The following MTMR3 variants were observed in gnomAD, a reference collection of about 807,000 sequenced individuals.
The protein encoded by MTMR3 is phosphatidylinositol-3,5-bisphosphate 3-phosphatase MTMR3.
MTMR3 carries 32 observed loss-of-function variants against 132.4 expected under a neutral mutation model. That is an observed-to-expected ratio of 0.24 (90% confidence interval 0.18 to 0.32). MTMR3 has a LOEUF of 0.32. Among genes scored for constraint, MTMR3 ranks in the 10% least tolerant of loss-of-function variants. The pLI, the probability that MTMR3 is intolerant of heterozygous loss-of-function variation, is 1.00. For synonymous variants in MTMR3, 556 were observed against 550.3 expected (o/e 1.01, Z -0.14); for missense variants, 1,216 against 1,489.6 (o/e 0.82, Z 3.02).
At chr22:29,891,313 GTGTA>G (rs201124036) in intron 1 of MTMR3, among the ~76,000 whole-genome samples, 1,601 of 150,402 alleles carry the variant, frequency 0.011, 32 homozygotes, top group African/African-American at 0.038. Flanking sequence ...GTGTGCGTGT[GTGTA>G]TGTATGTATG....
rs749927557 is a variant in MTMR3, at chr22:30,030,647, G to GGGGGAGGGGT, written c.*4847_*4848insGGGAGGGGTG. On this transcript the variant is annotated 3_prime_UTR_variant, in exon 20 of 20. Coordinates refer to ENST00000401950, the MANE Select transcript of MTMR3 (RefSeq NM_021090.4). ...CTCAGCGAGGAGGGGGCGGGGGGGG[G>GGGGGAGGGGT]GTCACTATTTATCTTCCAGAGGCAG... The GGGGGAGGGGT allele has an allele frequency of 1.3e-5, 1 of 76,360 alleles. No homozygotes were observed. Among genetic ancestry groups the GGGGGAGGGGT allele is most frequent in the South Asian group, 5.4e-4 (1 of 1,856 alleles). The allele number at this position is 76,360 out of a possible 1,614,324, so 4.7% of individuals were successfully genotyped here.
Position 29,970,969 on chromosome 22 carries a change from C to T in MTMR3, c.-84-7C>T. On this transcript the variant is annotated splice_region_variant and splice_polypyrimidine_tract_variant and intron_variant, in intron 2 of 19. Coordinates refer to ENST00000401950, the MANE Select transcript of MTMR3 (RefSeq NM_021090.4). The stretch of plus-strand genomic sequence containing the variant: ...TTCTTCTTCCCCCTCTTCCCCCCCA[C>T]CCCCAGACTTCACCATAAGGGAAAG... 1 of 1,037,760 alleles carries T rather than the reference C, an allele frequency of 9.6e-7. No individual in the cohort carries two copies. The highest frequency in any genetic ancestry group is 1.3e-6 in the Non-Finnish European group (1 of 740,820). 64.3% of individuals were successfully genotyped at this position (1,037,760 alleles called of 1,614,324 possible). A position where few individuals can be genotyped will look rare whatever the true frequency, so the allele number is the denominator to read the frequency against.
intron 3 of MTMR3, among the ~76,000 whole-genome samples, chr22:29,974,461 G>C (rs904791777): frequency 2.6e-5 from 4 of 152,192 alleles, no homozygotes; most frequent in Non-Finnish European, 5.9e-5. Context: ...TGTGAATTGA[G>C]ACAATAGCTT....
rs1479646994 is a variant in MTMR3 at position 29,937,473 on chromosome 22, G to A, written c.-137-19563G>A. 4.0e-5 allele frequency among the ~76,000 whole-genome samples: 6 copies of A among 150,258 alleles called. No individual in the cohort carries two copies. In the East Asian group the frequency reaches 1.2e-3, roughly 29 times the overall value. ...CTCTGTTGCCCAGGATGAAGTGCAAGCAGCACAATCATAGCTTACTGCAGG... is the reference window on the plus strand; with the variant it reads ...CTCTGTTGCCCAGGATGAAGTGCAAACAGCACAATCATAGCTTACTGCAGG... On this transcript the variant is annotated intron_variant, in intron 1 of 19. Coordinates refer to ENST00000401950, the MANE Select transcript of MTMR3 (RefSeq NM_021090.4).
At chr22:29,943,594 A>G (rs1400331337) in intron 1 of MTMR3, among the ~76,000 whole-genome samples, 1 of 152,084 alleles carries the variant, frequency 6.6e-6, no homozygotes, top group Non-Finnish European at 1.5e-5. Flanking sequence ...TGTGTTGGGT[A>G]AGGTGAGCTT....
At chr22:29,990,256 T>C (rs1020373608) in intron 6 of MTMR3, 4 of 152,176 alleles carry the variant, frequency 2.6e-5, no homozygotes, top group African/African-American at 4.8e-5. Context: ...CCAACAACGA[T>C]GCCTGAAATG....
At chr22:29,886,080 AT>A (rs2064671230) in intron 1 of MTMR3, among the ~76,000 whole-genome samples, 2 of 152,242 alleles carry the variant, frequency 1.3e-5, no homozygotes, top group Admixed American at 1.3e-4. Context: ...TTATCCGCAT[AT>A]TCTGTGCCCT....
At chr22:30,023,574 A>C (rs2067823646) in intron 19 of MTMR3, 1 of 1,501,718 alleles carries the variant, frequency 6.7e-7, no homozygotes, top group African/African-American at 1.4e-5. Flanking sequence ...CTCTGCACTT[A>C]CTAGGGTGAA....
At chr22:29,977,615 A>G (rs1203759840) in intron 3 of MTMR3, among the ~76,000 whole-genome samples, 2 of 152,198 alleles carry the variant, frequency 1.3e-5, no homozygotes, top group African/African-American at 4.8e-5. Flanking sequence ...AAAATTTCAC[A>G]TATAACCAGA....
chr22:29,970,480 T>C (rs1405210207), intron 2 of MTMR3, among the ~76,000 whole-genome samples: 4 of 147,258 alleles, frequency 2.7e-5, no homozygotes, highest in African/African-American at 1.0e-4. Flanking sequence ...ACTACAGGCA[T>C]GTGCTGCCAT....
chr22:29,886,196 G>A (rs1187873569), intron 1 of MTMR3, among the ~76,000 whole-genome samples: 1 of 152,182 alleles, frequency 6.6e-6, no homozygotes, highest in Admixed American at 6.5e-5. Flanking sequence ...TTTTGCAATG[G>A]ATTAAAGAGC....
In MTMR3 at chr22:30,020,012, G is replaced by A. The variant is rs1371709637; in HGVS notation, c.2353G>A (p.Gly785Arg). The change falls in exon 17 of 20, where the codon GGA becomes AGA. Residue 785 changes from glycine (G) to arginine (R), a missense_variant. By Grantham distance (125) the Gly-to-Arg change is moderately radical. This residue lies in a region of MTMR3 where 852 missense variants were observed against 852.0 expected (regional missense o/e 1.00). Transcript: ENST00000401950. ...CAGTTCTCTCCAGGTCCCCCCCAGG[G>A]GAGAGGATTCCCTGGAGGTCCCTGT... ...LLSSLQVPPRGEDSLEVPVEQ... is the reference protein window; with the variant it reads ...LLSSLQVPPRREDSLEVPVEQ... The A allele has an allele frequency of 6.2e-7, 1 of 1,614,186 alleles. No homozygotes were observed. Among genetic ancestry groups the A allele is most frequent in the Admixed American group, 1.7e-5 (1 of 60,020 alleles).
intron 1 of MTMR3, among the ~76,000 whole-genome samples, chr22:29,906,121 A>G (rs1221335248): frequency 1.3e-5 from 2 of 152,116 alleles, no homozygotes; most frequent in African/African-American, 2.4e-5. Flanking sequence ...CTGCCAGGTA[A>G]CCGGGACTAG....
At chr22:29,897,151 C>A (rs1485536154) in intron 1 of MTMR3, among the ~76,000 whole-genome samples, 1 of 150,474 alleles carries the variant, frequency 6.6e-6, no homozygotes, top group Non-Finnish European at 1.5e-5. Flanking sequence ...GGAATTGGCT[C>A]ACTGTAACCT....
chr22:29,932,997 C>A (rs1400808871), intron 1 of MTMR3, among the ~76,000 whole-genome samples: 1 of 152,018 alleles, frequency 6.6e-6, no homozygotes, highest in Non-Finnish European at 1.5e-5. Flanking sequence ...GAGATGGCGT[C>A]TTGCTCTGTT....
chr22:30,016,640 T>G lies in MTMR3; in HGVS notation c.1616T>G (p.Leu539Arg). The G allele has an allele frequency of 6.2e-7, 1 of 1,614,200 alleles. No homozygotes were observed. The highest frequency in any genetic ancestry group is 1.1e-5 in the South Asian group (1 of 91,086). Reference protein sequence around the residue: ...TQERTCSVWSLLRAGNKAFKN... With the variant: ...TQERTCSVWSRLRAGNKAFKN... Reference sequence around the variant, plus strand: ...GAACGGACATGTTCCGTGTGGTCACTTCTTCGGGCAGGCAACAAGGCTTTC... The same window carrying G: ...GAACGGACATGTTCCGTGTGGTCACGTCTTCGGGCAGGCAACAAGGCTTTC... The change falls in exon 15 of 20, where the codon CTT becomes CGT. Residue 539 changes from leucine to arginine, a missense_variant. Leu to Arg is a moderately radical substitution (Grantham distance 102). Transcript: ENST00000401950.
At chr22:29,971,784 C>G (rs915231154) in intron 3 of MTMR3, among the ~76,000 whole-genome samples, 3 of 151,988 alleles carry the variant, frequency 2.0e-5, no homozygotes, top group Non-Finnish European at 4.4e-5. Flanking sequence ...GAGCAACAAG[C>G]CAGCCACATT....
chr22:29,956,172 CAAAG>C (rs2066185663), intron 1 of MTMR3, among the ~76,000 whole-genome samples: 2 of 152,210 alleles, frequency 1.3e-5, no homozygotes, highest in Admixed American at 1.3e-4. Context: ...GAAATTGTCA[CAAAG>C]GAACAGGTCG....
chr22:29,887,368 A>T lies in MTMR3; in HGVS notation c.-138+4009A>T, dbSNP rs549926249. 2.0e-5 allele frequency among the ~76,000 whole-genome samples: 3 copies of T among 152,216 alleles called. No individual in the cohort carries two copies. The South Asian group carries it at 6.2e-4, about 32-fold the overall frequency. On this transcript the variant is annotated intron_variant, in intron 1 of 19. Coordinates refer to ENST00000401950, the MANE Select transcript of MTMR3 (RefSeq NM_021090.4). Reference sequence around the variant, plus strand: ...GACTGTGGATCAAACAATAGTGTATATGAAAAGCATTCTAAAAATGTAAGG... The same window carrying T: ...GACTGTGGATCAAACAATAGTGTATTTGAAAAGCATTCTAAAAATGTAAGG...
Sources: gnomAD v4.1 joint callset for allele counts (sites outside exome capture counted in the v4.1 genomes callset) on GRCh38, gnomAD v4.1.1 for gene constraint, gnomAD v4.1.1 regional missense constraint, MANE v1.5 for transcripts, NCBI Gene and HGNC (gene_info 2026-07-23, HGNC 2026-07-21) for gene names.